OR11A1: variants seen among roughly 807,000 people sequenced by gnomAD.
OR11A1 encodes the protein olfactory receptor family 11 subfamily A member 1, also known as olfactory receptor 11A1.
For synonymous variants in OR11A1, 158 were observed against 152.2 expected, an observed-to-expected ratio of 1.04 and a Z score of -0.28; for missense variants, 380 against 378.2, an observed-to-expected ratio of 1.00 and a Z score of -0.04.
At position 29,426,010 on chromosome 6, in the gene OR11A1, T is replaced by A. The variant is rs1367896699; in HGVS notation, c.*684A>T. ...AGATGCTTGTTAATAGAAAAAGTTG[T>A]TCGTGACACAGTGTTCAGTGGAAAA... On this transcript the variant is annotated 3_prime_UTR_variant, in exon 5 of 5. Transcript: ENST00000377149. 6.6e-6 allele frequency: 1 copy of A among 152,246 alleles called. No individual in the cohort carries two copies. The highest frequency in any genetic ancestry group is 1.5e-5 in the Non-Finnish European group (1 of 68,024). The allele number at this position is 152,246 out of a possible 1,614,324, so 9.4% of individuals were successfully genotyped here. A position where few individuals can be genotyped will look rare whatever the true frequency, so the allele number is the denominator to read the frequency against.
intron 1 of OR11A1, chr6:29,439,587 AG>A (rs1210271384): frequency 5.8e-6 from 1 of 171,862 alleles, no homozygotes; most frequent in Non-Finnish European, 1.2e-5. Flanking sequence ...CTTATCAGAC[AG>A]GAGACAAGTT....
At position 29,426,449 on chromosome 6, in the gene OR11A1, T is replaced by C. The variant is rs1782808149; in HGVS notation, c.*245A>G. The C allele has an allele frequency of 2.1e-6, 1 of 476,978 alleles. No homozygotes were observed. Among genetic ancestry groups the C allele is most frequent in the South Asian group, 5.0e-5 (1 of 20,022 alleles). The allele number at this position is 476,978 out of a possible 1,614,324, so 29.5% of individuals were successfully genotyped here. A position where few individuals can be genotyped will look rare whatever the true frequency, so the allele number is the denominator to read the frequency against. Reference sequence around the variant, plus strand: ...AGTACTAGGCTTAATACCTGGGTGATGAAATAATCTGTACAGTAAACCCCC... The same window carrying C: ...AGTACTAGGCTTAATACCTGGGTGACGAAATAATCTGTACAGTAAACCCCC... On this transcript the variant is annotated 3_prime_UTR_variant, in exon 5 of 5. Coordinates refer to ENST00000377149, the MANE Select transcript of OR11A1 (RefSeq NM_001394828.1).
rs1782988018 is a variant in OR11A1 at position 29,428,208 on chromosome 6, C to T, written c.-91-476G>A. ...ATTCCCCATCTCCTAATCAGTGATACCTTACCAACTGTTCCTCGGATAATT... is the reference window on the plus strand; with the variant it reads ...ATTCCCCATCTCCTAATCAGTGATATCTTACCAACTGTTCCTCGGATAATT... On this transcript the variant is annotated intron_variant, in intron 4 of 4. Coordinates refer to ENST00000377149, the MANE Select transcript of OR11A1 (RefSeq NM_001394828.1). 17 of 984,736 alleles carry T rather than the reference C, an allele frequency of 1.7e-5. No individual in the cohort carries two copies. The South Asian group carries it at 5.6e-4, about 33-fold the overall frequency. 61.0% of individuals were successfully genotyped at this position (984,736 alleles called of 1,614,324 possible). A position where few individuals can be genotyped will look rare whatever the true frequency, so the allele number is the denominator to read the frequency against.
intron 1 of OR11A1, among the ~76,000 whole-genome samples, chr6:29,449,001 A>G (rs1249897604): frequency 6.6e-6 from 1 of 152,192 alleles, no homozygotes; most frequent in African/African-American, 2.4e-5. Context: ...AGTGAAGGCA[A>G]AATGATGAAG....
rs1293679431 is a variant in OR11A1, at chr6:29,453,908, CAA to C, written c.-389+3077_-389+3078del. On this transcript the variant is annotated intron_variant, in intron 1 of 4. Transcript: ENST00000377149. The surrounding 1 kb of genome is among the most constrained non-coding windows in gnomAD (Gnocchi z 4.5). Reference sequence around the variant, plus strand: ...AAAGTATTTGACCAAAACCTTCACCCAATCATTGACTGAACACTAAGCTGTGC... The same window carrying C: ...AAAGTATTTGACCAAAACCTTCACCCTCATTGACTGAACACTAAGCTGTGC... Among the ~76,000 whole-genome samples the C allele has an allele frequency of 2.0e-5, 3 of 152,084 alleles. No homozygotes were observed. The highest frequency in any genetic ancestry group is 7.2e-5 in the African/African-American group (3 of 41,414).
intron 1 of OR11A1, among the ~76,000 whole-genome samples, chr6:29,441,923 T>C (rs933691232): frequency 3.3e-5 from 5 of 151,692 alleles, no homozygotes; most frequent in Non-Finnish European, 7.4e-5. Context: ...TCTGTTTGTT[T>C]TTTGTTTTGT....
intron 1 of OR11A1, among the ~76,000 whole-genome samples, chr6:29,435,348 G>A (rs953611449): frequency 3.3e-5 from 5 of 152,182 alleles, no homozygotes; most frequent in Non-Finnish European, 7.3e-5. Context: ...GATGCTTCAC[G>A]GGGGCTAACT....
chr6:29,429,198 C>T (rs926773915), intron 3 of OR11A1, among the ~76,000 whole-genome samples: 1 of 152,186 alleles, frequency 6.6e-6, no homozygotes, highest in African/African-American at 2.4e-5. Flanking sequence ...GCCTCAGGGA[C>T]CACAGTGCTG....
intron 3 of OR11A1, among the ~76,000 whole-genome samples, 195 bp downstream of exon 3, chr6:29,430,106 T>G (rs1467650557): frequency 6.6e-6 from 1 of 152,218 alleles, no homozygotes; most frequent in Admixed American, 6.5e-5. Context: ...AGGATTTAAA[T>G]TTTTATAAGT....
At chr6:29,431,089 C>G (rs141700379) in intron 2 of OR11A1, among the ~76,000 whole-genome samples, 1 of 152,240 alleles carries the variant, frequency 6.6e-6, no homozygotes, top group African/African-American at 2.4e-5. Flanking sequence ...CAGCCACACA[C>G]TCAATTCTAA....
chr6:29,427,002 G>C lies in OR11A1; in HGVS notation c.640C>G (p.Leu214Val), dbSNP rs1390039283. ...SVFCLTIPFG[L>V]ILTSYARIVV... ...ATTCTGGCATAAGATGTCAGAATCA[G>C]TCCAAAAGGAATAGTGAGGCAGAAC... Residue 214 changes from leucine (L) to valine (V), a missense_variant, in exon 5 of 5, where the codon CTG becomes GTG. Leu to Val is a conservative substitution (Grantham distance 32, BLOSUM62 1). Coordinates refer to ENST00000377149, the MANE Select transcript of OR11A1 (RefSeq NM_001394828.1). 6.2e-7 allele frequency: 1 copy of C among 1,612,840 alleles called. No individual in the cohort carries two copies. The highest frequency in any genetic ancestry group is 8.5e-7 in the Non-Finnish European group (1 of 1,180,022).
intron 1 of OR11A1, among the ~76,000 whole-genome samples, chr6:29,446,226 A>G (rs1784759975): frequency 6.6e-6 from 1 of 151,880 alleles, no homozygotes; most frequent in African/African-American, 2.4e-5. Context: ...CTTCCTTTGT[A>G]TTTCTCCTCT....
intron 1 of OR11A1, chr6:29,450,315 C>A (rs116205573): frequency 8.8e-4 from 134 of 152,358 alleles, no homozygotes; most frequent in African/African-American, 3.1e-3. Context: ...TGGGTCATCC[C>A]TCACAACAGA....
intron 1 of OR11A1, among the ~76,000 whole-genome samples, chr6:29,451,669 A>G (rs1785397355): frequency 6.6e-6 from 1 of 152,160 alleles, no homozygotes; most frequent in Non-Finnish European, 1.5e-5. Context: ...ATGACTCAAA[A>G]AATAACAGAT....
Position 29,427,410 on chromosome 6 carries a change from C to T in OR11A1, c.232G>A (p.Ala78Thr), listed in dbSNP as rs370744019. The T allele has an allele frequency of 2.5e-6, 4 of 1,612,996 alleles. No homozygotes were observed. The highest frequency in any genetic ancestry group is 3.4e-6 in the Non-Finnish European group (4 of 1,180,016). ...LSFLDILYTS[A>T]VMPKMLEGFL... ...CCCTCCAGCATTTTTGGCATCACTG[C>T]GGAGGTGTAGAGAATATCCAGGAAG... The change falls in exon 5 of 5, where the codon GCA becomes ACA. Residue 78 changes from alanine (A) to threonine (T), a missense_variant. Transcript: ENST00000377149.
intron 1 of OR11A1, among the ~76,000 whole-genome samples, chr6:29,436,030 T>C (rs1783603621): frequency 6.6e-6 from 1 of 152,228 alleles, no homozygotes; most frequent in Non-Finnish European, 1.5e-5. Context: ...AGAGTTGACC[T>C]TCATTATTTG....
chr6:29,427,802 A>G, intron 4 of OR11A1, 70 bp from the exon 5 acceptor site: 1 of 1,138,206 alleles, frequency 8.8e-7, no homozygotes, highest in Non-Finnish European at 1.2e-6. Context: ...CAAGTCTTCA[A>G]CTATCCCCCT....
In OR11A1 at chr6:29,428,933, G is replaced by T; in HGVS notation, c.-112C>A. Reference sequence around the variant, plus strand: ...CATACCTGCTGGAAGGTTTTCATATGCTATTCAAAGCAATATGTGTTTATT... The same window carrying T: ...CATACCTGCTGGAAGGTTTTCATATTCTATTCAAAGCAATATGTGTTTATT... On this transcript the variant is annotated 5_prime_UTR_variant, in exon 4 of 5. Transcript: ENST00000377149. 1 of 973,988 alleles carries T rather than the reference G, an allele frequency of 1.0e-6. No homozygotes were observed. Among genetic ancestry groups the T allele is most frequent in the Non-Finnish European group, 1.2e-6 (1 of 819,898 alleles). 60.3% of individuals were successfully genotyped at this position (973,988 alleles called of 1,614,324 possible).
chr6:29,430,706 G>A (rs1457539841), intron 2 of OR11A1, among the ~76,000 whole-genome samples: 1 of 152,112 alleles, frequency 6.6e-6, no homozygotes, highest in Non-Finnish European at 1.5e-5. Context: ...TACCTAATGG[G>A]TATAATGCAC....
Sources: allele counts gnomAD v4.1 joint callset (sites outside exome capture counted in the v4.1 genomes callset), GRCh38; gene constraint gnomAD v4.1.1; non-coding constraint Gnocchi (gnomAD v3.1); transcripts MANE v1.5; gene names NCBI Gene and HGNC (gene_info 2026-07-23, HGNC 2026-07-21).